The following ZNF469 variants were observed in gnomAD, a reference collection of about 807,000 sequenced individuals.
ZNF469 encodes the protein zinc finger protein 469.
ZNF469 carries 1 observed loss-of-function variant against 1.0 expected under a neutral mutation model. The observed-to-expected ratio is 1.00, with a 90% CI of 0.35 to 4.73. The LOEUF (loss-of-function observed/expected upper bound fraction) is 4.73, where lower values mean the gene tolerates loss of function less well. Among genes scored for constraint, ZNF469 ranks in the 30% most tolerant of loss-of-function variants. The pLI, the probability that ZNF469 is intolerant of heterozygous loss-of-function variation, is 0.16. For synonymous variants in ZNF469, 2,703 were observed against 2,363.4 expected (o/e 1.14, Z -4.17); for missense variants, 6,100 against 5,356.3 (o/e 1.14, Z -4.33).
chr16:88,249,429 C>CTT, the ZNF469 span, among the ~76,000 whole-genome samples: 108 of 63,584 alleles, frequency 1.7e-3, no homozygotes, highest in East Asian at 6.0e-3. Context: ...TTTTCTTTTT[C>CTT]TTTTTTTTTT....
Position 88,428,052 on chromosome 16 carries a change from C to T in ZNF469, c.582C>T (p.Thr194=), listed in dbSNP as rs1905819653. Residue 194 remains threonine, a synonymous_variant, in exon 3 of 3, where the codon ACC becomes ACT. Transcript: ENST00000565624. ...AGCCACCCTCCAGCTTTACCTCCAC[C>T]AACTATACCTCACCAAGCGCCACCC... ...FQEPPSSFTS[T]NYTSPSATPR... 6.5e-7 allele frequency: 1 copy of T among 1,549,862 alleles called. No homozygotes were observed. Among genetic ancestry groups the T allele is most frequent in the East Asian group, 2.4e-5 (1 of 40,878 alleles).
the ZNF469 span, among the ~76,000 whole-genome samples, chr16:88,212,564 T>C: frequency 6.6e-6 from 1 of 152,202 alleles, no homozygotes; most frequent in Non-Finnish European, 1.5e-5. Context: ...TTTCCTTCTT[T>C]CTTCCCTTAT....
At chr16:88,380,611 GCA>G (rs1312582002), upstream of ZNF469, among the ~76,000 whole-genome samples, 77 of 80,672 alleles carry the variant, frequency 9.5e-4, 2 homozygotes, top group African/African-American at 3.4e-3. Context: ...ACTCACACAC[GCA>G]CACACCCAGA....
chr16:88,310,574 T>TAA, the ZNF469 span, among the ~76,000 whole-genome samples: 2 of 151,616 alleles, frequency 1.3e-5, no homozygotes, highest in Admixed American at 1.3e-4. Flanking sequence ...TTTTTTTTTT[T>TAA]TTATTAATTT....
At chr16:88,270,914 G>T in the ZNF469 span, among the ~76,000 whole-genome samples, 19 of 152,220 alleles carry the variant, frequency 1.2e-4, no homozygotes, top group Admixed American at 3.9e-4. Context: ...TTTCAGTTCA[G>T]GAACAGACAG....
At chr16:88,170,474 T>C in the ZNF469 span, among the ~76,000 whole-genome samples, 1 of 152,242 alleles carries the variant, frequency 6.6e-6, no homozygotes, top group Non-Finnish European at 1.5e-5. This position sits in a 1 kb window ranked among gnomAD's most constrained non-coding sequence, Gnocchi z 4.2. Flanking sequence ...ACCACGGCTC[T>C]ACTCTCTGCT....
the ZNF469 span, among the ~76,000 whole-genome samples, chr16:88,282,633 T>C: frequency 6.6e-6 from 1 of 152,170 alleles, no homozygotes; most frequent in African/African-American, 2.4e-5. Flanking sequence ...AGACGTCGGA[T>C]TGCAGACACA....
At chr16:88,208,454 G>A in the ZNF469 span, among the ~76,000 whole-genome samples, 1 of 138,632 alleles carries the variant, frequency 7.2e-6, no homozygotes, top group Non-Finnish European at 1.5e-5. Flanking sequence ...CTTCAGTGAA[G>A]GAGTGTAAGG....
chr16:88,432,435 G>C lies in ZNF469; in HGVS notation c.4965G>C (p.Gly1655=). 1 of 1,550,176 alleles carries C rather than the reference G, an allele frequency of 6.5e-7. No individual in the cohort carries two copies. Among genetic ancestry groups the C allele is most frequent in the African/African-American group, 1.4e-5 (1 of 73,172 alleles). Residue 1655 remains glycine (G), a synonymous_variant, in exon 3 of 3, where the codon GGG becomes GGC. Coordinates refer to ENST00000565624, the MANE Select transcript of ZNF469 (RefSeq NM_001367624.2). ...ATVEAVQGRP[G]GTWPCPASFH... ...TGGAAGCGGTTCAGGGGAGGCCTGG[G>C]GGGACGTGGCCCTGCCCAGCCTCCT...
chr16:88,360,419 CAGA>C, the ZNF469 span, among the ~76,000 whole-genome samples: 5 of 152,112 alleles, frequency 3.3e-5, no homozygotes, highest in African/African-American at 7.2e-5. Context: ...TGCCAACGTG[CAGA>C]AGAACATCAT....
At chr16:88,165,401 G>A in the ZNF469 span, among the ~76,000 whole-genome samples, 6 of 152,140 alleles carry the variant, frequency 3.9e-5, no homozygotes, top group South Asian at 2.1e-4. Flanking sequence ...ACATTGCTGC[G>A]GGGTCTGCTG....
chr16:88,256,513 G>A, the ZNF469 span, among the ~76,000 whole-genome samples: 19 of 152,216 alleles, frequency 1.2e-4, no homozygotes, highest in Admixed American at 1.2e-3. Flanking sequence ...TGCTATAAAC[G>A]TCTGTGTGTA....
the ZNF469 span, among the ~76,000 whole-genome samples, chr16:88,151,757 C>G: frequency 6.6e-6 from 1 of 152,356 alleles, no homozygotes; most frequent in South Asian, 2.1e-4. This position sits in a 1 kb window ranked among gnomAD's most constrained non-coding sequence, Gnocchi z 5.4. Flanking sequence ...CGTTCGGCCA[C>G]TTCTGAATTG....
At chr16:88,284,077 G>A in the ZNF469 span, among the ~76,000 whole-genome samples, 422 of 90,916 alleles carry the variant, frequency 4.6e-3, 12 homozygotes, top group Middle Eastern at 0.021. Flanking sequence ...CAGTGTGCCC[G>A]AGGTCTGCGG....
chr16:88,129,083 C>T, the ZNF469 span, among the ~76,000 whole-genome samples: 6 of 152,348 alleles, frequency 3.9e-5, no homozygotes, highest in African/African-American at 7.2e-5. Flanking sequence ...GAGAAACAAT[C>T]GGTAATGCAG....
At chr16:88,351,771 G>A in the ZNF469 span, among the ~76,000 whole-genome samples, 1 of 152,160 alleles carries the variant, frequency 6.6e-6, no homozygotes, top group African/African-American at 2.4e-5. Flanking sequence ...GGGGCTCCAG[G>A]GTTTGAGGCC....
the ZNF469 span, among the ~76,000 whole-genome samples, chr16:88,334,026 G>T: frequency 1.3e-5 from 2 of 151,664 alleles, no homozygotes; most frequent in African/African-American, 4.8e-5. Context: ...GTGTGTGTCT[G>T]TGTGTGCATG....
At chr16:88,130,746 G>A in the ZNF469 span, among the ~76,000 whole-genome samples, 1 of 151,468 alleles carries the variant, frequency 6.6e-6, no homozygotes, top group Non-Finnish European at 1.5e-5. Flanking sequence ...TAATAAAAAC[G>A]GCAGCGCAGC....
the ZNF469 span, among the ~76,000 whole-genome samples, chr16:88,258,558 A>G: frequency 6.6e-6 from 1 of 152,240 alleles, no homozygotes; most frequent in East Asian, 1.9e-4. Flanking sequence ...TTAAGGCAGT[A>G]ATATTGGAGA....
Sources: allele counts gnomAD v4.1 joint callset (sites outside exome capture counted in the v4.1 genomes callset), GRCh38; gene constraint gnomAD v4.1.1; non-coding constraint Gnocchi (gnomAD v3.1); transcripts MANE v1.5; gene names NCBI Gene and HGNC (gene_info 2026-07-23, HGNC 2026-07-21).